DRAXIN: variants seen among roughly 807,000 people sequenced by gnomAD.
The protein encoded by DRAXIN is dorsal repulsive axon guidance protein.
A neutral mutation model predicts 33.9 loss-of-function variants in DRAXIN; 27 were observed. The ratio of observed to expected loss-of-function variants is 0.80; its 90% CI spans 0.59 to 1.10. DRAXIN has a LOEUF of 1.10. Among genes scored for constraint, DRAXIN ranks in the 50% least tolerant of loss-of-function variants. The probability of loss-of-function intolerance (pLI) is 0.00; values close to 1 mark genes in which losing one functional copy is unlikely to be tolerated. For synonymous variants in DRAXIN, 178 were observed against 194.0 expected (o/e 0.92, Z 0.69); for missense variants, 371 against 460.8 (o/e 0.81, Z 1.78).
Position 11,698,590 on chromosome 1 carries a change from C to T in DRAXIN, c.-11+6737C>T, listed in dbSNP as rs1456772680. 4.6e-5 allele frequency among the ~76,000 whole-genome samples: 7 copies of T among 152,206 alleles called. No individual in the cohort carries two copies. In the South Asian group the frequency reaches 8.3e-4, roughly 18 times the overall value. ...AAGCAATTGCTGGGCCCGGGACTCA[C>T]GCCTGTAATTCCAGAACTTTGGGAG... is the stretch of plus-strand genomic sequence containing the variant. On this transcript the variant is annotated intron_variant, in intron 1 of 6. Coordinates refer to ENST00000294485, the MANE Select transcript of DRAXIN (RefSeq NM_198545.4).
At chr1:11,695,977 C>T (rs1641184906) in intron 1 of DRAXIN, among the ~76,000 whole-genome samples, 2 of 152,158 alleles carry the variant, frequency 1.3e-5, no homozygotes, top group Middle Eastern at 3.2e-3. Context: ...TTGAAAATCC[C>T]AAGGCTGCTG....
chr1:11,708,408 G>A (rs761403127), intron 2 of DRAXIN, among the ~76,000 whole-genome samples: 1 of 152,180 alleles, frequency 6.6e-6, no homozygotes. Flanking sequence ...ATCAGGAGTT[G>A]GAGACCAACC....
At chr1:11,691,128 C>T (rs1278357907), upstream of DRAXIN, among the ~76,000 whole-genome samples, 1 of 152,216 alleles carries the variant, frequency 6.6e-6, no homozygotes, top group Non-Finnish European at 1.5e-5. Context: ...TCTGCGGCTA[C>T]AAAGGCCCCG....
chr1:11,714,751 G>A (rs1041088082), intron 5 of DRAXIN, among the ~76,000 whole-genome samples: 1 of 152,240 alleles, frequency 6.6e-6, no homozygotes. Context: ...TTCCCCATCT[G>A]TCAAAAGAGG....
Position 11,704,685 on chromosome 1 carries a change from C to T in DRAXIN, c.-10-1564C>T, listed in dbSNP as rs1052254703. Among the ~76,000 whole-genome samples, 3 of 152,176 alleles carry T rather than the reference C, an allele frequency of 2.0e-5. No homozygotes were observed. The highest frequency in any genetic ancestry group is 6.5e-5 in the Admixed American group (1 of 15,282). ...TGGGAGACAGGGTTGTCACAACAAG[C>T]CTGTCCCAGGGTCCCACGCACGTCA... On this transcript the variant is annotated intron_variant, in intron 1 of 6. Transcript: ENST00000294485. This position sits in a 1 kb window ranked among gnomAD's most constrained non-coding sequence, Gnocchi z 4.6.
rs923869184 is a variant in DRAXIN at position 11,713,102 on chromosome 1, G to T, written c.847+673G>T. Among the ~76,000 whole-genome samples the T allele has an allele frequency of 7.2e-5, 11 of 152,120 alleles. No homozygotes were observed. The East Asian group carries it at 2.1e-3, about 29-fold the overall frequency. On this transcript the variant is annotated intron_variant, in intron 5 of 6. Transcript: ENST00000294485. ...AATCTCAGCTACTTGGGAGGCTGAGGCGGGAACATTGCTTGAACCCGGGAG... is the reference window on the plus strand; with the variant it reads ...AATCTCAGCTACTTGGGAGGCTGAGTCGGGAACATTGCTTGAACCCGGGAG...
At chr1:11,702,062 A>G (rs1004790929) in intron 1 of DRAXIN, among the ~76,000 whole-genome samples, 1 of 150,728 alleles carries the variant, frequency 6.6e-6, no homozygotes, top group Admixed American at 6.7e-5. Context: ...TTGTGCACAC[A>G]CATACGCTCA....
At chr1:11,717,922 G>A (rs1641601642) in intron 6 of DRAXIN, among the ~76,000 whole-genome samples, 1 of 146,070 alleles carries the variant, frequency 6.8e-6, no homozygotes, top group Non-Finnish European at 1.5e-5. Context: ...CTTGAGCCCA[G>A]GAGGCAGAGA....
intron 5 of DRAXIN, among the ~76,000 whole-genome samples, chr1:11,714,885 G>T (rs1641550659): frequency 1.3e-5 from 2 of 152,214 alleles, no homozygotes; most frequent in South Asian, 4.1e-4. Context: ...TCTTCCCATG[G>T]TCAATCAGTA....
chr1:11,709,515 G>A, intron 3 of DRAXIN, 50 bp downstream of exon 3: 11 of 1,557,372 alleles, frequency 7.1e-6, no homozygotes, highest in Non-Finnish European at 9.5e-6. Context: ...TTGAGCCCAT[G>A]TCATGGAAAG....
intron 1 of DRAXIN, among the ~76,000 whole-genome samples, chr1:11,698,401 C>CT (rs1641224993): frequency 6.6e-6 from 1 of 152,190 alleles, no homozygotes; most frequent in Non-Finnish European, 1.5e-5. Context: ...CCAGGAAGCC[C>CT]TAACTAGATC....
rs1207189674 is a variant in DRAXIN, at chr1:11,695,611, A to AT, written c.-11+3758_-11+3759insT. On this transcript the variant is annotated intron_variant, in intron 1 of 6. Coordinates refer to ENST00000294485, the MANE Select transcript of DRAXIN (RefSeq NM_198545.4). Reference sequence around the variant, plus strand: ...AGTGAGATTCTGTCTCAAAAAAAAAAATATATATATATATATATACTTCAA... The same window carrying AT: ...AGTGAGATTCTGTCTCAAAAAAAAAATATATATATATATATATATACTTCAA... Among the ~76,000 whole-genome samples the AT allele has an allele frequency of 3.7e-3, 531 of 145,234 alleles. 4 individuals carry two copies. The highest frequency in any genetic ancestry group is 0.011 in the African/African-American group (417 of 39,530).
chr1:11,702,468 C>G (rs1369005936), intron 1 of DRAXIN, among the ~76,000 whole-genome samples: 1 of 151,604 alleles, frequency 6.6e-6, no homozygotes, highest in Non-Finnish European at 1.5e-5. Flanking sequence ...ACATACATAC[C>G]TACACACCCA....
At chr1:11,695,852 GT>G (rs1557686031) in intron 1 of DRAXIN, among the ~76,000 whole-genome samples, 1 of 152,134 alleles carries the variant, frequency 6.6e-6, no homozygotes, top group Non-Finnish European at 1.5e-5. Flanking sequence ...TAGGACTCGA[GT>G]TCAGCAGGTG....
upstream of DRAXIN, among the ~76,000 whole-genome samples, chr1:11,690,307 G>C (rs1013906762): frequency 6.6e-6 from 1 of 152,128 alleles, no homozygotes; most frequent in African/African-American, 2.4e-5. The surrounding 1 kb of genome is among the most constrained non-coding windows in gnomAD (Gnocchi z 4.2). Context: ...ACCTTTCAGT[G>C]AATAAACAGT....
Position 11,709,378 on chromosome 1 carries a change from G to A in DRAXIN, c.555G>A (p.Ala185=), listed in dbSNP as rs747234942. The change falls in exon 3 of 7, where the codon GCG becomes GCA. Residue 185 remains alanine, a synonymous_variant. Transcript: ENST00000294485. Reference sequence around the variant, plus strand: ...TGGAGGAATCCTCCACCAGCCTGGCGCCCACCATGTTCTTTCTCACCACCT... The same window carrying A: ...TGGAGGAATCCTCCACCAGCCTGGCACCCACCATGTTCTTTCTCACCACCT... ...AAMEESSTSL[A]PTMFFLTTFE... is the part of the protein sequence containing the mutation. 4.8e-5 allele frequency: 77 copies of A among 1,613,720 alleles called. No homozygotes were observed. Among genetic ancestry groups the A allele is most frequent in the Non-Finnish European group, 6.2e-5 (73 of 1,179,894 alleles).
In DRAXIN at chr1:11,696,757, G is replaced by A. The variant is rs371620414; in HGVS notation, c.-11+4904G>A. Among the ~76,000 whole-genome samples, 138 of 152,158 alleles carry A rather than the reference G, an allele frequency of 9.1e-4. 3 individuals are homozygous for A. In the South Asian group the frequency reaches 0.015, roughly 16 times the overall value. On this transcript the variant is annotated intron_variant, in intron 1 of 6. Coordinates refer to ENST00000294485, the MANE Select transcript of DRAXIN (RefSeq NM_198545.4). This position sits in a 1 kb window ranked among gnomAD's most constrained non-coding sequence, Gnocchi z 4.7. Reference sequence around the variant, plus strand: ...AGTCCCAGCTACTCGGGAGGCTGAGGCAGAAGAATTGCTTGAACCCAGGAG... The same window carrying A: ...AGTCCCAGCTACTCGGGAGGCTGAGACAGAAGAATTGCTTGAACCCAGGAG...
chr1:11,699,820 G>C (rs1203631360), intron 1 of DRAXIN, among the ~76,000 whole-genome samples: 1 of 151,894 alleles, frequency 6.6e-6, no homozygotes, highest in South Asian at 2.1e-4. Flanking sequence ...CCAGCTACTC[G>C]GGAGGCTAAG....
intron 1 of DRAXIN, among the ~76,000 whole-genome samples, chr1:11,701,238 A>C (rs1275919274): frequency 1.3e-5 from 2 of 152,182 alleles, no homozygotes; most frequent in African/African-American, 2.4e-5. Flanking sequence ...AGGTGGCCCC[A>C]CGGGCAATGG....
Sources: allele counts gnomAD v4.1 joint callset (sites outside exome capture counted in the v4.1 genomes callset), GRCh38; gene constraint gnomAD v4.1.1; non-coding constraint Gnocchi (gnomAD v3.1); transcripts MANE v1.5; gene names NCBI Gene and HGNC (gene_info 2026-07-23, HGNC 2026-07-21).